NTAQ1: variants seen among roughly 807,000 people sequenced by gnomAD.
The protein encoded by NTAQ1 is N-terminal glutamine amidase 1.
NTAQ1 carries 21 observed loss-of-function variants against 28.2 expected under a neutral mutation model. The observed-to-expected ratio is 0.74, with a 90% CI of 0.53 to 1.07. The LOEUF (loss-of-function observed/expected upper bound fraction) is 1.07. Ranked by LOEUF, NTAQ1 falls within the 50% of genes least tolerant of loss-of-function variation. NTAQ1 has a pLI of 0.00. For missense variants in NTAQ1, 264 were observed against 256.6 expected (o/e 1.03, Z -0.20); for synonymous variants, 105 against 90.0 (o/e 1.17, Z -0.94).
chr8:123,440,881 G>C (rs1337510168), intron 5 of NTAQ1, among the ~76,000 whole-genome samples: 6 of 152,154 alleles, frequency 3.9e-5, no homozygotes, highest in Non-Finnish European at 5.9e-5. Context: ...AACGCTGCAT[G>C]TTACGAGTTC....
At chr8:123,438,095 G>T in intron 5 of NTAQ1, 1 of 692,078 alleles carries the variant, frequency 1.4e-6, no homozygotes, top group Non-Finnish European at 2.6e-6. Flanking sequence ...AGCGCTAGCA[G>T]GTTTTATTGT....
intron 3 of NTAQ1, among the ~76,000 whole-genome samples, chr8:123,433,362 A>G (rs562232714): frequency 2.0e-5 from 3 of 152,294 alleles, no homozygotes; most frequent in African/African-American, 7.2e-5. Context: ...AGATTCTGCA[A>G]TGGGGTCCTT....
intron 6 of NTAQ1, among the ~76,000 whole-genome samples, chr8:123,447,675 G>A (rs4637807): frequency 6.6e-6 from 1 of 151,966 alleles, no homozygotes; most frequent in Non-Finnish European, 1.5e-5. Context: ...CTCCTTACTC[G>A]CTAAGGGTAA....
At chr8:123,458,086 A>C (rs1586968189) in intron 6 of NTAQ1, among the ~76,000 whole-genome samples, 2 of 127,032 alleles carry the variant, frequency 1.6e-5, no homozygotes, top group African/African-American at 2.8e-5. Context: ...AATAAATCAC[A>C]CTTCCCCTCA....
At chr8:123,458,351 TG>T (rs1231331373) in intron 6 of NTAQ1, among the ~76,000 whole-genome samples, 1 of 152,092 alleles carries the variant, frequency 6.6e-6, no homozygotes, top group Non-Finnish European at 1.5e-5. Context: ...ATTATTTTTC[TG>T]TTATACCGCT....
At chr8:123,455,686 A>C (rs1167881236) in intron 6 of NTAQ1, among the ~76,000 whole-genome samples, 10 of 151,950 alleles carry the variant, frequency 6.6e-5, no homozygotes, top group Non-Finnish European at 1.3e-4. Context: ...TGGCCTCCTA[A>C]AGTGCTGAGA....
At chr8:123,445,530 C>CA (rs146840851), downstream of NTAQ1, among the ~76,000 whole-genome samples, 54,746 of 150,390 alleles carry the variant, frequency 0.36, 9,982 homozygotes, top group East Asian at 0.56. Flanking sequence ...CTTGGTGTGC[C>CA]AAAAAAAATG....
downstream of NTAQ1, among the ~76,000 whole-genome samples, chr8:123,449,974 T>TATATATATATATATGA (rs371673968): frequency 0.012 from 684 of 56,026 alleles, 154 homozygotes; most frequent in African/African-American, 0.024. Context: ...TATATATATA[T>TATATATATATATATGA]GCTGGATAAA....
chr8:123,460,758 G>T (rs1815798638), intron 6 of NTAQ1, among the ~76,000 whole-genome samples: 1 of 152,226 alleles, frequency 6.6e-6, no homozygotes, highest in Non-Finnish European at 1.5e-5. Flanking sequence ...TGCATGCAGT[G>T]GCAGGGGGTT....
downstream of NTAQ1, among the ~76,000 whole-genome samples, chr8:123,448,866 A>G (rs1282456468): frequency 6.6e-6 from 1 of 152,188 alleles, no homozygotes; most frequent in Non-Finnish European, 1.5e-5. Context: ...AGAGGTCCTC[A>G]AAGATGTCTT....
At chr8:123,422,314 C>T (rs1325333882) in intron 1 of NTAQ1, among the ~76,000 whole-genome samples, 2 of 147,102 alleles carry the variant, frequency 1.4e-5, no homozygotes, top group Non-Finnish European at 3.0e-5. Context: ...CTCACTCTGT[C>T]ACCCAGGCTG....
intron 5 of NTAQ1, among the ~76,000 whole-genome samples, chr8:123,440,809 C>A (rs1378286624): frequency 6.6e-6 from 1 of 152,122 alleles, no homozygotes; most frequent in African/African-American, 2.4e-5. Context: ...CTCAGAGCAG[C>A]CTTTCATCGA....
In NTAQ1 at chr8:123,441,393, G is replaced by A. The variant is rs140382692; in HGVS notation, c.596G>A (p.Arg199Gln). 22 of 1,609,004 alleles carry A rather than the reference G, an allele frequency of 1.4e-5. No individual in the cohort carries two copies. The highest frequency in any genetic ancestry group is 1.0e-4 in the South Asian group (9 of 90,154). Residue 199 changes from arginine (R) to glutamine (Q), a missense_variant, in exon 6 of 6, where the codon CGG (arginine) becomes CAG (glutamine). Physicochemically the swap from Arg to Gln is conservative, Grantham distance 43 (BLOSUM62 1). Transcript: ENST00000287387. ...TACACACTATCCGAATTTACACATC[G>A]GTTTGGCAGTAAAAACTGCTGAACT... ...AVYTLSEFTH[R>Q]FGSKNC
downstream of NTAQ1, among the ~76,000 whole-genome samples, chr8:123,472,563 T>TC (rs1008444843): frequency 6.6e-6 from 1 of 152,296 alleles, no homozygotes; most frequent in African/African-American, 2.4e-5. Context: ...TGCAGCTGGC[T>TC]CCCCACAATA....
At chr8:123,459,071 C>T (rs554103865) in intron 6 of NTAQ1, among the ~76,000 whole-genome samples, 3 of 151,836 alleles carry the variant, frequency 2.0e-5, no homozygotes, top group South Asian at 4.2e-4. Flanking sequence ...AGTGAGACTC[C>T]GTCTCAAATA....
the NTAQ1 span, among the ~76,000 whole-genome samples, chr8:123,475,337 A>G: frequency 6.6e-6 from 1 of 152,126 alleles, no homozygotes; most frequent in Admixed American, 6.5e-5. Flanking sequence ...CTTTTCTCCA[A>G]AGAACTCTGA....
At chr8:123,453,898 C>T (rs139072071) in intron 6 of NTAQ1, among the ~76,000 whole-genome samples, 3 of 152,202 alleles carry the variant, frequency 2.0e-5, no homozygotes, top group Non-Finnish European at 4.4e-5. Context: ...GGATTTGAAT[C>T]TAGGCATTCC....
downstream of NTAQ1, among the ~76,000 whole-genome samples, chr8:123,473,922 ATTG>A (rs978732149): frequency 2.0e-5 from 3 of 152,190 alleles, no homozygotes; most frequent in African/African-American, 7.2e-5. Flanking sequence ...TTTAAATTGC[ATTG>A]TTATTATTAT....
intron 5 of NTAQ1, among the ~76,000 whole-genome samples, chr8:123,438,789 C>G (rs373514248): frequency 1.5e-3 from 225 of 152,188 alleles, no homozygotes; most frequent in African/African-American, 3.5e-3. Flanking sequence ...TTTTGAGGCT[C>G]TCTATGAAAA....
Sources: gnomAD v4.1 joint callset for allele counts (sites outside exome capture counted in the v4.1 genomes callset) on GRCh38, gnomAD v4.1.1 for gene constraint, MANE v1.5 for transcripts, NCBI Gene and HGNC (gene_info 2026-07-23, HGNC 2026-07-21) for gene names.